The following FOXL2 variants were observed in gnomAD, a reference collection of about 807,000 sequenced individuals.
The protein encoded by FOXL2 is forkhead box L2.
Under a neutral mutation model 2.5 loss-of-function variants are expected in FOXL2, and 3 were observed. The ratio of observed to expected loss-of-function variants is 1.20; its 90% confidence interval spans 0.55 to 3.11. FOXL2 has a LOEUF of 3.11. FOXL2 is among the 30% of genes most tolerant of loss of function. FOXL2 has a pLI of 0.03. For missense variants in FOXL2, 512 were observed against 570.0 expected (o/e 0.90, Z 1.04); for synonymous variants, 315 against 269.4 (o/e 1.17, Z -1.66).
Position 138,944,778 on chromosome 3 carries a change from A to G in FOXL2, c.*814T>C. 2 of 232,934 alleles carry G rather than the reference A, an allele frequency of 8.6e-6. No individual in the cohort carries two copies. The highest frequency in any genetic ancestry group is 1.2e-4 in the East Asian group (2 of 16,584). The allele number at this position is 232,934 out of a possible 1,614,324, so 14.4% of individuals were successfully genotyped here. On this transcript the variant is annotated 3_prime_UTR_variant, in exon 1 of 1. Coordinates refer to ENST00000648323, the MANE Select transcript of FOXL2 (RefSeq NM_023067.4). ...GGATTTAGCAAACTCCAAGGCCACA[A>G]TACTTCCCCGGTTGCCCGGTGAATT... is the stretch of plus-strand genomic sequence containing the variant.
Position 138,945,496 on chromosome 3 carries a change from A to T in FOXL2, c.*96T>A. 6.6e-7 allele frequency: 1 copy of T among 1,508,844 alleles called. No homozygotes were observed. The highest frequency in any genetic ancestry group is 8.9e-7 in the Non-Finnish European group (1 of 1,122,134). 93.5% of individuals were successfully genotyped at this position (1,508,844 alleles called of 1,614,324 possible). A position where few individuals can be genotyped will look rare whatever the true frequency, so the allele number is the denominator to read the frequency against. On this transcript the variant is annotated 3_prime_UTR_variant, in exon 1 of 1. Coordinates refer to ENST00000648323, the MANE Select transcript of FOXL2 (RefSeq NM_023067.4). The stretch of plus-strand genomic sequence containing the variant: ...TCCAGAGGCGGGCCCAGAGGGTGTG[A>T]GGTCAGGCTGGCGGCGGCGTCGTCG...
At position 138,945,234 on chromosome 3, in the gene FOXL2, C is replaced by CGAT; in HGVS notation, c.*357_*358insATC. The CGAT allele has an allele frequency of 3.9e-6, 1 of 254,294 alleles. No individual in the cohort carries two copies. The highest frequency in any genetic ancestry group is 4.9e-5 in the Admixed American group (1 of 20,220). 15.8% of individuals were successfully genotyped at this position (254,294 alleles called of 1,614,324 possible). On this transcript the variant is annotated 3_prime_UTR_variant, in exon 1 of 1. Transcript: ENST00000648323. Reference sequence around the variant, plus strand: ...AAGGCCAAGAGGTCTGCGCTGCCGACGCCCGGTCGCACCTCCGCCCCGGGC... The same window carrying CGAT: ...AAGGCCAAGAGGTCTGCGCTGCCGACGATGCCCGGTCGCACCTCCGCCCCGGGC...
Position 138,946,072 on chromosome 3 carries a change from G to C in FOXL2, c.651C>G (p.Ser217=), listed in dbSNP as rs964609657. The C allele has an allele frequency of 1.4e-6, 2 of 1,419,696 alleles. No individual in the cohort carries two copies. The highest frequency in any genetic ancestry group is 1.5e-5 in the African/African-American group (1 of 65,700). 87.9% of individuals were successfully genotyped at this position (1,419,696 alleles called of 1,614,324 possible). A position where few individuals can be genotyped will look rare whatever the true frequency, so the allele number is the denominator to read the frequency against. ...CCGCTGCGGCTGCCGCCATCTGGCA[G>C]GAGGCATAGGGCATGGGTGAGGGAG... ...PQPPSPMPYA[S]CQMAAAAAAA... The change falls in exon 1 of 1, where the codon TCC becomes TCG. Residue 217 remains serine (S), a synonymous_variant. Transcript: ENST00000648323.
At position 138,945,786 on chromosome 3, in the gene FOXL2, C is replaced by G; in HGVS notation, c.937G>C (p.Gly313Arg). The G allele has an allele frequency of 2.6e-6, 3 of 1,170,838 alleles. No homozygotes were observed. The highest frequency in any genetic ancestry group is 3.2e-6 in the Non-Finnish European group (3 of 948,444). The allele number at this position is 1,170,838 out of a possible 1,614,324, so 72.5% of individuals were successfully genotyped here. A position where few individuals can be genotyped will look rare whatever the true frequency, so the allele number is the denominator to read the frequency against. ...TGGCCCGGCGGCGGCGCGGCGGCCC[C>G]GTGGTGCGGTGGGGCAGGCGGCGGT... The part of the protein sequence containing the change: ...AAPPPAPPHH[G>R]AAAPPPGQLS... The change falls in exon 1 of 1, where the codon GGG (glycine) becomes CGG (arginine). Residue 313 changes from glycine to arginine, a missense_variant. Coordinates refer to ENST00000648323, the MANE Select transcript of FOXL2 (RefSeq NM_023067.4).
chr3:138,944,263 G>A lies in FOXL2; in HGVS notation c.*1329C>T, dbSNP rs931134078. The A allele has an allele frequency of 2.1e-5, 5 of 232,786 alleles. No homozygotes were observed. The highest frequency in any genetic ancestry group is 1.1e-4 in the African/African-American group (5 of 45,262). 14.4% of individuals were successfully genotyped at this position (232,786 alleles called of 1,614,324 possible). A position where few individuals can be genotyped will look rare whatever the true frequency, so the allele number is the denominator to read the frequency against. On this transcript the variant is annotated 3_prime_UTR_variant, in exon 1 of 1. Coordinates refer to ENST00000648323, the MANE Select transcript of FOXL2 (RefSeq NM_023067.4). Reference sequence around the variant, plus strand: ...ACAAAATTTATTCGGGAATCGACAAGGCAAAAAACAAAAACAAAACAAAAA... The same window carrying A: ...ACAAAATTTATTCGGGAATCGACAAAGCAAAAAACAAAAACAAAACAAAAA...
chr3:138,945,933 T>G lies in FOXL2; in HGVS notation c.790A>C (p.Met264Leu), dbSNP rs778804135. The G allele has an allele frequency of 2.2e-6, 3 of 1,370,216 alleles. No individual in the cohort carries two copies. Among genetic ancestry groups the G allele is most frequent in the Non-Finnish European group, 2.8e-6 (3 of 1,071,826 alleles). 84.9% of individuals were successfully genotyped at this position (1,370,216 alleles called of 1,614,324 possible). ...SYGPYTRVQS[M>L]ALPPGVVNSY... ...TTCACTACGCCGGGGGGCAGCGCCA[T>G]GCTCTGCACGCGTGTGTACGGCCCG... The change falls in exon 1 of 1, where the codon ATG (methionine) becomes CTG (leucine). Residue 264 changes from methionine (M) to leucine (L), a missense_variant. This residue lies in a region of FOXL2 where 287 missense variants were observed against 277.4 expected (regional missense o/e 1.03). Coordinates refer to ENST00000648323, the MANE Select transcript of FOXL2 (RefSeq NM_023067.4).
chr3:138,946,685 C>T lies in FOXL2; in HGVS notation c.38G>A (p.Gly13Glu), dbSNP rs765356990. ...ACCGGTCTCTGGGGCCAGCAGGGCCCCCGCCGCGTCCTCGGGCTCGGGGTA... is the reference window on the plus strand; with the variant it reads ...ACCGGTCTCTGGGGCCAGCAGGGCCTCCGCCGCGTCCTCGGGCTCGGGGTA... ...ASYPEPEDAAGALLAPETGRT... is the reference protein window; with the variant it reads ...ASYPEPEDAAEALLAPETGRT... Residue 13 changes from glycine to glutamate, a missense_variant, in exon 1 of 1, where the codon GGG becomes GAG. Coordinates refer to ENST00000648323, the MANE Select transcript of FOXL2 (RefSeq NM_023067.4). 1 of 1,578,460 alleles carries T rather than the reference C, an allele frequency of 6.3e-7. No individual in the cohort carries two copies. The highest frequency in any genetic ancestry group is 1.9e-4 in the Middle Eastern group (1 of 5,158).
chr3:138,945,654 G>T lies in FOXL2; in HGVS notation c.1069C>A (p.His357Asn). 6.3e-7 allele frequency: 1 copy of T among 1,596,992 alleles called. No homozygotes were observed. Among genetic ancestry groups the T allele is most frequent in the Non-Finnish European group, 8.6e-7 (1 of 1,169,504 alleles). The change falls in exon 1 of 1, where the codon CAT (histidine) becomes AAT (asparagine). Residue 357 changes from histidine to asparagine, a missense_variant. Around this residue, in one of 5 missense-constraint regions of FOXL2, gnomAD observed 66 missense variants for 58.3 expected, o/e 1.13. Transcript: ENST00000648323. ...CTGTCGTGGTCCCAGTAAGAGCAATGCATCATGGCGAGCTCGGGCTGCCGG... is the reference window on the plus strand; with the variant it reads ...CTGTCGTGGTCCCAGTAAGAGCAATTCATCATGGCGAGCTCGGGCTGCCGG... Reference protein sequence around the residue: ...CARQPELAMMHCSYWDHDSKT... With the variant: ...CARQPELAMMNCSYWDHDSKT...
In FOXL2 at chr3:138,947,078, G is replaced by T; in HGVS notation, c.-356C>A. 2.3e-6 allele frequency: 1 copy of T among 431,780 alleles called. No homozygotes were observed. The highest frequency in any genetic ancestry group is 2.5e-5 in the African/African-American group (1 of 40,456). 26.7% of individuals were successfully genotyped at this position (431,780 alleles called of 1,614,324 possible). A position where few individuals can be genotyped will look rare whatever the true frequency, so the allele number is the denominator to read the frequency against. On this transcript the variant is annotated 5_prime_UTR_variant, in exon 1 of 1. Coordinates refer to ENST00000648323, the MANE Select transcript of FOXL2 (RefSeq NM_023067.4). This position sits in a 1 kb window ranked among gnomAD's most constrained non-coding sequence, Gnocchi z 5.2. ...CCCCCGGTTTCCCGAAGCACGACCC[G>T]CGTCTCTGGCGGAGCTGCCTCCTGG...
In FOXL2 at chr3:138,944,684, A is replaced by G. The variant is rs1025144155; in HGVS notation, c.*908T>C. ...CTGAACACAGCTTTTTGAAGGCCCA[A>G]CAAAAACTCTAACGCAAATCTTCCA... On this transcript the variant is annotated 3_prime_UTR_variant, in exon 1 of 1. Coordinates refer to ENST00000648323, the MANE Select transcript of FOXL2 (RefSeq NM_023067.4). 1 of 233,162 alleles carries G rather than the reference A, an allele frequency of 4.3e-6. No individual in the cohort carries two copies. The highest frequency in any genetic ancestry group is 2.2e-5 in the African/African-American group (1 of 45,362). 14.4% of individuals were successfully genotyped at this position (233,162 alleles called of 1,614,324 possible). A position where few individuals can be genotyped will look rare whatever the true frequency, so the allele number is the denominator to read the frequency against.
At position 138,946,751 on chromosome 3, in the gene FOXL2, G is replaced by A; in HGVS notation, c.-29C>T. On this transcript the variant is annotated 5_prime_UTR_variant, in exon 1 of 1. Transcript: ENST00000648323. The stretch of plus-strand genomic sequence containing the variant: ...AAAGCCGGCGCGCCGCGGCCGGGCC[G>A]CCTCTGCTCTCCGCTCCAGGCGCTG... The A allele has an allele frequency of 6.4e-7, 1 of 1,551,118 alleles. No homozygotes were observed. Among genetic ancestry groups the A allele is most frequent in the Admixed American group, 1.9e-5 (1 of 51,388 alleles).
Position 138,945,235 on chromosome 3 carries a change from G to GATAATAGCAGTGTAGAT in FOXL2, c.*356_*357insATCTACACTGCTATTAT. 2 of 253,838 alleles carry GATAATAGCAGTGTAGAT rather than the reference G, an allele frequency of 7.9e-6. No homozygotes were observed. Among genetic ancestry groups the GATAATAGCAGTGTAGAT allele is most frequent in the South Asian group, 1.3e-4 (1 of 7,460 alleles). 15.7% of individuals were successfully genotyped at this position (253,838 alleles called of 1,614,324 possible). On this transcript the variant is annotated 3_prime_UTR_variant, in exon 1 of 1. Coordinates refer to ENST00000648323, the MANE Select transcript of FOXL2 (RefSeq NM_023067.4). ...AGGCCAAGAGGTCTGCGCTGCCGAC[G>GATAATAGCAGTGTAGAT]CCCGGTCGCACCTCCGCCCCGGGCC... is the stretch of plus-strand genomic sequence containing the variant.
In FOXL2 at chr3:138,945,574, C is replaced by A. The variant is rs773390956; in HGVS notation, c.*18G>T. The stretch of plus-strand genomic sequence containing the variant: ...CCCTGCATCCTCGCATCCGTCTGCA[C>A]CGGCATGCGGTGGGCTCTCAGAGAT... On this transcript the variant is annotated 3_prime_UTR_variant, in exon 1 of 1. Coordinates refer to ENST00000648323, the MANE Select transcript of FOXL2 (RefSeq NM_023067.4). The A allele has an allele frequency of 1.2e-6, 2 of 1,606,176 alleles. No homozygotes were observed. Among genetic ancestry groups the A allele is most frequent in the South Asian group, 2.2e-5 (2 of 90,928 alleles).
In FOXL2 at chr3:138,945,317, G is replaced by A; in HGVS notation, c.*275C>T. On this transcript the variant is annotated 3_prime_UTR_variant, in exon 1 of 1. Transcript: ENST00000648323. ...GGGGCTCCGGAAAGAGACGAGCCCA[G>A]TAGAAAGCGCGCAGAGAGGCAGCTT... 3.0e-6 allele frequency: 1 copy of A among 338,706 alleles called. No homozygotes were observed. 21.0% of individuals were successfully genotyped at this position (338,706 alleles called of 1,614,324 possible). A position where few individuals can be genotyped will look rare whatever the true frequency, so the allele number is the denominator to read the frequency against.
chr3:138,945,823 G>A lies in FOXL2; in HGVS notation c.900C>T (p.His300=), dbSNP rs1935948576. The A allele has an allele frequency of 2.0e-5, 24 of 1,202,062 alleles. No homozygotes were observed. The South Asian group carries it at 6.7e-4, about 33-fold the overall frequency. The allele number at this position is 1,202,062 out of a possible 1,614,324, so 74.5% of individuals were successfully genotyped here. A position where few individuals can be genotyped will look rare whatever the true frequency, so the allele number is the denominator to read the frequency against. The change falls in exon 1 of 1, where the codon CAC becomes CAT. Residue 300 remains histidine (H), a synonymous_variant. Coordinates refer to ENST00000648323, the MANE Select transcript of FOXL2 (RefSeq NM_023067.4). ...PHPHPHAHHL[H]AAAAPPPAPP... is the part of the protein sequence containing the mutation. ...GGGCAGGCGGCGGTGCGGCGGCCGC[G>A]TGCAGATGGTGTGCGTGCGGATGCG...
At position 138,944,966 on chromosome 3, in the gene FOXL2, A is replaced by C. The variant is rs1477341528; in HGVS notation, c.*626T>G. 1 of 232,910 alleles carries C rather than the reference A, an allele frequency of 4.3e-6. No individual in the cohort carries two copies. Among genetic ancestry groups the C allele is most frequent in the Non-Finnish European group, 8.5e-6 (1 of 117,770 alleles). The allele number at this position is 232,910 out of a possible 1,614,324, so 14.4% of individuals were successfully genotyped here. A position where few individuals can be genotyped will look rare whatever the true frequency, so the allele number is the denominator to read the frequency against. On this transcript the variant is annotated 3_prime_UTR_variant, in exon 1 of 1. Transcript: ENST00000648323. ...CGCCCGCCCGCGGTGTAAACCGAGTACAGGCCGTGGAGCCAGGCTGCCCCG... is the reference window on the plus strand; with the variant it reads ...CGCCCGCCCGCGGTGTAAACCGAGTCCAGGCCGTGGAGCCAGGCTGCCCCG...
rs529812777 is a variant in FOXL2, at chr3:138,945,416, G to A, written c.*176C>T. On this transcript the variant is annotated 3_prime_UTR_variant, in exon 1 of 1. Coordinates refer to ENST00000648323, the MANE Select transcript of FOXL2 (RefSeq NM_023067.4). ...AGGACATAAACTGAGGGGACAAAGA[G>A]GAGCGACAGGAGCTTAGGAAAGCGA... 1.6e-4 allele frequency: 183 copies of A among 1,118,942 alleles called. No homozygotes were observed. Among genetic ancestry groups the A allele is most frequent in the Middle Eastern group, 3.1e-4 (1 of 3,226 alleles). 69.3% of individuals were successfully genotyped at this position (1,118,942 alleles called of 1,614,324 possible).
In FOXL2 at chr3:138,947,051, GC is replaced by G; in HGVS notation, c.-330del. On this transcript the variant is annotated 5_prime_UTR_variant, in exon 1 of 1. Transcript: ENST00000648323. This position sits in a 1 kb window ranked among gnomAD's most constrained non-coding sequence, Gnocchi z 5.2. ...TTTTCTGCGCTCTTCCCCTCCCCCCGCCCCCCGGTTTCCCGAAGCACGACCC... is the reference window on the plus strand; with the variant it reads ...TTTTCTGCGCTCTTCCCCTCCCCCCGCCCCCGGTTTCCCGAAGCACGACCC... 1 of 365,732 alleles carries G rather than the reference GC, an allele frequency of 2.7e-6. No individual in the cohort carries two copies. Among genetic ancestry groups the G allele is most frequent in the Non-Finnish European group, 4.6e-6 (1 of 218,906 alleles). 22.7% of individuals were successfully genotyped at this position (365,732 alleles called of 1,614,324 possible).
Position 138,945,660 on chromosome 3 carries a change from T to C in FOXL2, c.1063A>G (p.Met355Val). Residue 355 changes from methionine (M) to valine (V), a missense_variant, in exon 1 of 1, where the codon ATG (methionine) becomes GTG (valine). Transcript: ENST00000648323. ...TGGTCCCAGTAAGAGCAATGCATCA[T>C]GGCGAGCTCGGGCTGCCGGGCACAA... ...FACARQPELA[M>V]MHCSYWDHDS... is the part of the protein sequence containing the mutation. 1 of 1,594,674 alleles carries C rather than the reference T, an allele frequency of 6.3e-7. No homozygotes were observed. The highest frequency in any genetic ancestry group is 1.1e-5 in the South Asian group (1 of 89,660).
Sources: allele counts gnomAD v4.1 joint callset, GRCh38; gene constraint gnomAD v4.1.1; regional missense constraint gnomAD v4.1.1; non-coding constraint Gnocchi (gnomAD v3.1); transcripts MANE v1.5; gene names NCBI Gene and HGNC (gene_info 2026-07-23, HGNC 2026-07-21).